The following TRIO variants were observed in gnomAD, a reference collection of about 807,000 sequenced individuals.
The protein encoded by TRIO is triple functional domain protein.
TRIO carries 58 observed loss-of-function variants against 351.9 expected under a neutral mutation model. The ratio of observed to expected loss-of-function variants is 0.16; its 90% CI spans 0.13 to 0.21. The LOEUF (loss-of-function observed/expected upper bound fraction) is 0.21, where lower values mean the gene tolerates loss of function less well. Among genes scored for constraint, TRIO ranks in the 10% least tolerant of loss-of-function variants. The probability of loss-of-function intolerance (pLI) is 1.00; values close to 1 mark genes in which losing one functional copy is unlikely to be tolerated. For synonymous variants in TRIO, 1,758 were observed against 1,595.7 expected, an observed-to-expected ratio of 1.10 and a Z score of -2.42; for missense variants, 3,201 against 4,027.8, an observed-to-expected ratio of 0.79 and a Z score of 5.56.
intron 36 of TRIO, among the ~76,000 whole-genome samples, chr5:14,463,639 C>T (rs906766526): frequency 4.4e-4 from 67 of 151,068 alleles, no homozygotes; most frequent in Non-Finnish European, 8.2e-4. Context: ...TATTGTGCCC[C>T]TCAAAATCAT....
intron 1 of TRIO, among the ~76,000 whole-genome samples, chr5:14,254,605 G>C (rs77957853): frequency 1.6e-4 from 24 of 151,996 alleles, no homozygotes; most frequent in Non-Finnish European, 1.5e-4. Context: ...TCTTGGCTCT[G>C]TTCTCCCGCG....
chr5:14,379,845 C>G (rs1270247424), intron 20 of TRIO, among the ~76,000 whole-genome samples: 2 of 152,226 alleles, frequency 1.3e-5, no homozygotes, highest in Admixed American at 1.3e-4. Context: ...TGCCTTCCAG[C>G]CGTTCTGCTT....
chr5:14,449,459 A>G (rs1212627635), intron 34 of TRIO, among the ~76,000 whole-genome samples: 1 of 152,054 alleles, frequency 6.6e-6, no homozygotes, highest in Non-Finnish European at 1.5e-5. Flanking sequence ...TCAAGACGTG[A>G]CTCACTAAGA....
chr5:14,240,501 C>G (rs1271447204), intron 1 of TRIO, among the ~76,000 whole-genome samples: 1 of 152,180 alleles, frequency 6.6e-6, no homozygotes, highest in East Asian at 1.9e-4. Context: ...TCTCCTCTTT[C>G]CCTTGTGGTG....
At chr5:14,322,089 T>G (rs1322073863) in intron 9 of TRIO, among the ~76,000 whole-genome samples, 1 of 151,890 alleles carries the variant, frequency 6.6e-6, no homozygotes, top group Non-Finnish European at 1.5e-5. Context: ...TCTTGGAGAG[T>G]AAGAACGTGA....
intron 6 of TRIO, among the ~76,000 whole-genome samples, chr5:14,295,879 GA>G (rs1378151124): frequency 6.6e-6 from 1 of 152,216 alleles, no homozygotes; most frequent in Non-Finnish European, 1.5e-5. Context: ...ATGCAGCCCG[GA>G]GATGTAACCC....
At position 14,363,001 on chromosome 5, in the gene TRIO, CT is replaced by C. The variant is rs34314596; in HGVS notation, c.2392-714del. On this transcript the variant is annotated intron_variant, in intron 13 of 56. Coordinates refer to ENST00000344204, the MANE Select transcript of TRIO (RefSeq NM_007118.4). Reference sequence around the variant, plus strand: ...AGGATAATGATTGGTTTTCTATCTACTTTTTTTTTTTTTTTTTGAGACAGGG... The same window carrying C: ...AGGATAATGATTGGTTTTCTATCTACTTTTTTTTTTTTTTTTGAGACAGGG... Among the ~76,000 whole-genome samples the C allele has an allele frequency of 9.1e-3, 1,237 of 136,020 alleles. 10 individuals carry two copies. Among genetic ancestry groups the C allele is most frequent in the African/African-American group, 0.018 (652 of 36,876 alleles). 89.2% of individuals were successfully genotyped at this position (136,020 alleles called of 152,430 possible). A position where few individuals can be genotyped will look rare whatever the true frequency, so the allele number is the denominator to read the frequency against.
chr5:14,268,687 C>A (rs1795828018), intron 1 of TRIO, among the ~76,000 whole-genome samples: 4 of 152,260 alleles, frequency 2.6e-5, no homozygotes, highest in Admixed American at 2.6e-4. Flanking sequence ...ATCATGTGAT[C>A]TGTCCCCTCC....
rs556134680 is a variant in TRIO, at chr5:14,369,244, G to A, written c.3067-130G>A. Reference sequence around the variant, plus strand: ...GTTCTCCAGCCAGGTGGAGCCCATGGCTCCTTCTTATGGTCTTGATCCTCC... The same window carrying A: ...GTTCTCCAGCCAGGTGGAGCCCATGACTCCTTCTTATGGTCTTGATCCTCC... On this transcript the variant is annotated intron_variant, in intron 17 of 56. Coordinates refer to ENST00000344204, the MANE Select transcript of TRIO (RefSeq NM_007118.4). The A allele has an allele frequency of 4.0e-5, 53 of 1,331,730 alleles. No individual in the cohort carries two copies. In the South Asian group the frequency reaches 8.0e-4, roughly 20 times the overall value. The allele number at this position is 1,331,730 out of a possible 1,614,324, so 82.5% of individuals were successfully genotyped here.
At chr5:14,487,147 G>C (rs1443088933) in intron 47 of TRIO, among the ~76,000 whole-genome samples, 1 of 152,146 alleles carries the variant, frequency 6.6e-6, no homozygotes, top group African/African-American at 2.4e-5. Flanking sequence ...TCTGGTTTAG[G>C]AAAGACCTTT....
At chr5:14,183,841 G>T in intron 1 of TRIO, 2 of 653,104 alleles carry the variant, frequency 3.1e-6, no homozygotes, top group Non-Finnish European at 5.6e-6. Context: ...CTGGGATCCT[G>T]AGGGACACTG....
intron 1 of TRIO, among the ~76,000 whole-genome samples, chr5:14,236,082 C>A (rs900737955): frequency 2.0e-5 from 3 of 152,110 alleles, no homozygotes; most frequent in African/African-American, 7.2e-5. Context: ...AGAAACCAAG[C>A]TTGTGTTACT....
chr5:14,452,224 C>T (rs1752894277), intron 34 of TRIO, among the ~76,000 whole-genome samples: 1 of 152,238 alleles, frequency 6.6e-6, no homozygotes, highest in East Asian at 1.9e-4. Flanking sequence ...CACTCTGGGC[C>T]TGGGGCGCTT....
At chr5:14,347,114 G>A (rs1280233736) in intron 11 of TRIO, among the ~76,000 whole-genome samples, 1 of 95,796 alleles carries the variant, frequency 1.0e-5, no homozygotes, top group Non-Finnish European at 2.1e-5. Context: ...GAACAGAGAT[G>A]ATGCTGGACC....
At chr5:14,329,398 G>A (rs921312996) in intron 9 of TRIO, among the ~76,000 whole-genome samples, 1 of 152,220 alleles carries the variant, frequency 6.6e-6, no homozygotes, top group East Asian at 1.9e-4. Context: ...TAGCATTAGT[G>A]CCCTTATAAA....
At chr5:14,318,279 C>CAAAAAAAAAAA (rs759632595) in intron 9 of TRIO, among the ~76,000 whole-genome samples, 1 of 46,478 alleles carries the variant, frequency 2.2e-5, no homozygotes, top group African/African-American at 8.0e-5. Flanking sequence ...GACTCTATCT[C>CAAAAAAAAAAA]AAAAAAAAAA....
intron 1 of TRIO, among the ~76,000 whole-genome samples, chr5:14,264,655 A>C (rs59499572): frequency 0.033 from 4,951 of 152,260 alleles, 284 homozygotes; most frequent in African/African-American, 0.11. Flanking sequence ...GGCTTGTTAA[A>C]ATGCCTCCTT....
At chr5:14,322,421 T>G (rs1406318368) in intron 9 of TRIO, among the ~76,000 whole-genome samples, 2 of 152,150 alleles carry the variant, frequency 1.3e-5, no homozygotes, top group African/African-American at 4.8e-5. Flanking sequence ...CATGAGGATT[T>G]TGGTCATTTG....
intron 1 of TRIO, among the ~76,000 whole-genome samples, chr5:14,254,290 T>A (rs557431192): frequency 9.2e-5 from 14 of 151,984 alleles, no homozygotes; most frequent in African/African-American, 3.1e-4. Flanking sequence ...TTCAAGCAAT[T>A]CCCCTGCCTC....
Sources: allele counts gnomAD v4.1 joint callset (sites outside exome capture counted in the v4.1 genomes callset), GRCh38; gene constraint gnomAD v4.1.1; transcripts MANE v1.5; gene names NCBI Gene and HGNC (gene_info 2026-07-23, HGNC 2026-07-21).